The following SGIP1 variants were observed in gnomAD, a reference collection of about 807,000 sequenced individuals.
The protein encoded by SGIP1 is SH3GL interacting endocytic adaptor 1.
SGIP1 carries 38 observed loss-of-function variants against 107.5 expected under a neutral mutation model. That is an observed-to-expected ratio of 0.35 (90% confidence interval 0.27 to 0.46). SGIP1 has a LOEUF of 0.46. Among genes scored for constraint, SGIP1 ranks in the 20% least tolerant of loss-of-function variants. The pLI, the probability that SGIP1 is intolerant of heterozygous loss-of-function variation, is 1.00. For synonymous variants in SGIP1, 365 were observed against 366.1 expected, an observed-to-expected ratio of 1.00 and a Z score of 0.03; for missense variants, 929 against 1,019.5, an observed-to-expected ratio of 0.91 and a Z score of 1.21.
intron 1 of SGIP1, among the ~76,000 whole-genome samples, chr1:66,574,319 G>T (rs2060764723): frequency 6.6e-6 from 1 of 152,096 alleles, no homozygotes; most frequent in Middle Eastern, 3.2e-3. Context: ...TTGGAAAAGT[G>T]ACTTAATTGT....
chr1:66,658,306 CT>C (rs1453631198), intron 7 of SGIP1, among the ~76,000 whole-genome samples: 1 of 152,152 alleles, frequency 6.6e-6, no homozygotes, highest in Non-Finnish European at 1.5e-5. Flanking sequence ...CCCTGGAGAT[CT>C]GAACACATAA....
intron 1 of SGIP1, among the ~76,000 whole-genome samples, chr1:66,624,013 T>C (rs887718324): frequency 6.6e-6 from 1 of 152,216 alleles, no homozygotes; most frequent in Non-Finnish European, 1.5e-5. Context: ...CAAAGAGTAC[T>C]GGAATGTGTG....
chr1:66,705,494 A>G (rs1220511895), intron 18 of SGIP1, among the ~76,000 whole-genome samples: 2 of 152,166 alleles, frequency 1.3e-5, no homozygotes, highest in Non-Finnish European at 2.9e-5. Context: ...TAGGGAGAGG[A>G]AGCATGAGTT....
intron 1 of SGIP1, among the ~76,000 whole-genome samples, chr1:66,545,277 A>C (rs549477892): frequency 6.6e-6 from 1 of 152,258 alleles, no homozygotes; most frequent in African/African-American, 2.4e-5. Flanking sequence ...AGCCAGACAG[A>C]GCTCCTTGCC....
chr1:66,591,353 A>T lies in SGIP1; in HGVS notation c.11-34494A>T, dbSNP rs551831504. On this transcript the variant is annotated intron_variant, in intron 1 of 24. Coordinates refer to ENST00000371037, the MANE Select transcript of SGIP1 (RefSeq NM_032291.4). ...GCCTCAACATAAGCCCGTTAGAATG[A>T]TCTAGGTGATGAACACAGATTCTTT... is the stretch of plus-strand genomic sequence containing the variant. Among the ~76,000 whole-genome samples, 3 of 152,362 alleles carry T rather than the reference A, an allele frequency of 2.0e-5. No homozygotes were observed. The East Asian group carries it at 5.8e-4, about 29-fold the overall frequency.
chr1:66,650,033 A>G (rs1464272952), intron 7 of SGIP1, among the ~76,000 whole-genome samples: 3 of 152,186 alleles, frequency 2.0e-5, no homozygotes, highest in African/African-American at 4.8e-5. Flanking sequence ...TAGAAGCTAC[A>G]TGTAAAGATT....
intron 1 of SGIP1, among the ~76,000 whole-genome samples, chr1:66,578,803 C>A (rs2061426425): frequency 6.6e-6 from 1 of 152,182 alleles, no homozygotes; most frequent in South Asian, 2.1e-4. Flanking sequence ...TCCCGAGTAG[C>A]TGGGATTATA....
At chr1:66,740,358 G>A (rs1449629284) in intron 22 of SGIP1, among the ~76,000 whole-genome samples, 1 of 65,566 alleles carries the variant, frequency 1.5e-5, no homozygotes, top group African/African-American at 4.9e-5. Context: ...TTAATTAATT[G>A]ATTAACACTC....
chr1:66,571,220 A>G (rs1460822648), intron 1 of SGIP1, among the ~76,000 whole-genome samples: 3 of 152,050 alleles, frequency 2.0e-5, no homozygotes, highest in Non-Finnish European at 2.9e-5. Context: ...AATGGAGTAT[A>G]TGAAAAGGTC....
In SGIP1 at chr1:66,682,028, CG is replaced by C. The variant is rs2086830482; in HGVS notation, c.976del (p.Glu326SerfsTer2). ...GATACATCCCCGGAACATGTTACTC[CG>C]GAGTTGACTCCAAGGGAAAAAGTGG... ...FSDTSPEHVT[P>X]ELTPREKVVS... On this transcript the variant is annotated frameshift_variant, in exon 15 of 25. Coordinates refer to ENST00000371037, the MANE Select transcript of SGIP1 (RefSeq NM_032291.4). LOFTEE classifies it high-confidence loss of function. The C allele has an allele frequency of 6.2e-7, 1 of 1,614,054 alleles. No individual in the cohort carries two copies.
At chr1:66,732,313 C>G (rs1277334627) in intron 20 of SGIP1, among the ~76,000 whole-genome samples, 1 of 152,158 alleles carries the variant, frequency 6.6e-6, no homozygotes, top group African/African-American at 2.4e-5. Flanking sequence ...CACTGACCCT[C>G]TGTTACTCTT....
chr1:66,557,172 A>G (rs2058307226), intron 1 of SGIP1, among the ~76,000 whole-genome samples: 1 of 152,080 alleles, frequency 6.6e-6, no homozygotes, highest in Non-Finnish European at 1.5e-5. Context: ...GTTATTTTCT[A>G]GAGTAGTAAT....
rs189751031 is a variant in SGIP1 at position 66,624,474 on chromosome 1, A to G, written c.11-1373A>G. ...TGGGAGGACTTTTTTAAAAATTGAC[A>G]TTTTAAAGACCTAAGTGTCTTAAAT... On this transcript the variant is annotated intron_variant, in intron 1 of 24. Coordinates refer to ENST00000371037, the MANE Select transcript of SGIP1 (RefSeq NM_032291.4). 3.6e-3 allele frequency among the ~76,000 whole-genome samples: 542 copies of G among 152,362 alleles called. 3 individuals are homozygous for G. The highest frequency in any genetic ancestry group is 6.1e-3 in the Non-Finnish European group (416 of 68,028).
chr1:66,740,594 A>C (rs1057404080), intron 22 of SGIP1, 64 bp from the exon 23 acceptor site: 4 of 1,012,366 alleles, frequency 4.0e-6, no homozygotes, highest in South Asian at 1.4e-5. Context: ...TGGAAAAAAA[A>C]CATGGCATCC....
At chr1:66,646,194 T>C (rs1380810043) in intron 7 of SGIP1, among the ~76,000 whole-genome samples, 4 of 152,134 alleles carry the variant, frequency 2.6e-5, no homozygotes, top group African/African-American at 7.2e-5. Flanking sequence ...CAGAGCCAGA[T>C]AAGCAGAAAT....
intron 1 of SGIP1, among the ~76,000 whole-genome samples, chr1:66,551,979 C>A (rs1483654082): frequency 3.3e-5 from 5 of 152,122 alleles, no homozygotes; most frequent in African/African-American, 1.2e-4. Context: ...TGGTGGATCA[C>A]CTATCTCTCA....
At chr1:66,609,165 G>T (rs1269483359) in intron 1 of SGIP1, among the ~76,000 whole-genome samples, 1 of 152,194 alleles carries the variant, frequency 6.6e-6, no homozygotes, top group Non-Finnish European at 1.5e-5. Context: ...GAGATAAAAC[G>T]AATGCCTTCA....
intron 5 of SGIP1, among the ~76,000 whole-genome samples, chr1:66,641,003 C>T (rs1440313869): frequency 6.6e-6 from 1 of 151,994 alleles, no homozygotes; most frequent in Non-Finnish European, 1.5e-5. Context: ...CCACTGCACT[C>T]CAGCCTGAGC....
At chr1:66,687,098 C>A (rs1486440806) in intron 15 of SGIP1, among the ~76,000 whole-genome samples, 1 of 152,196 alleles carries the variant, frequency 6.6e-6, no homozygotes. Context: ...CTCCTTAGTA[C>A]TTTCCCAGGC....
Sources: gnomAD v4.1 joint callset for allele counts (sites outside exome capture counted in the v4.1 genomes callset) on GRCh38, gnomAD v4.1.1 for gene constraint, MANE v1.5 for transcripts, NCBI Gene and HGNC (gene_info 2026-07-23, HGNC 2026-07-21) for gene names.